Variants in AKAP6 observed in about 807,000 individuals in gnomAD.
The protein encoded by AKAP6 is A-kinase anchor protein 6.
A neutral mutation model predicts 188.5 loss-of-function variants in AKAP6; 58 were observed. The ratio of observed to expected loss-of-function variants is 0.31; its 90% CI spans 0.25 to 0.38. AKAP6 has a LOEUF of 0.38. AKAP6 is among the 10% of genes least tolerant of loss of function. The pLI is 1.00. For missense variants in AKAP6, 2,710 were observed against 2,740.0 expected (o/e 0.99, Z 0.24); for synonymous variants, 989 against 998.6 (o/e 0.99, Z 0.18).
At chr14:32,425,254 G>A (rs967272075) in intron 1 of AKAP6, among the ~76,000 whole-genome samples, 1 of 152,078 alleles carries the variant, frequency 6.6e-6, no homozygotes, top group African/African-American at 2.4e-5. Flanking sequence ...GTGATGTTGA[G>A]CTTTTTTTCA....
At chr14:32,697,603 A>G (rs1890457019) in intron 9 of AKAP6, among the ~76,000 whole-genome samples, 1 of 152,206 alleles carries the variant, frequency 6.6e-6, no homozygotes, top group Non-Finnish European at 1.5e-5. Flanking sequence ...GAAAAATATA[A>G]AAGGTTACCT....
intron 7 of AKAP6, among the ~76,000 whole-genome samples, chr14:32,622,615 A>T (rs1027757764): frequency 2.6e-5 from 4 of 152,154 alleles, no homozygotes; most frequent in Admixed American, 6.6e-5. Context: ...ATTAGATGAA[A>T]TATATGAAAT....
intron 11 of AKAP6, among the ~76,000 whole-genome samples, chr14:32,768,841 AAG>A (rs1485980228): frequency 6.6e-6 from 1 of 152,002 alleles, no homozygotes; most frequent in East Asian, 1.9e-4. Context: ...CCTGATTCAG[AAG>A]ACGTATAGTA....
At chr14:32,549,925 T>TC (rs1170547311) in intron 4 of AKAP6, among the ~76,000 whole-genome samples, 1 of 152,136 alleles carries the variant, frequency 6.6e-6, no homozygotes, top group Non-Finnish European at 1.5e-5. Flanking sequence ...AGGGCAGAGG[T>TC]GTTGGCCTGT....
rs142286804 is a variant in AKAP6 at position 32,647,186 on chromosome 14, G to T, written c.2731-31125G>T. Among the ~76,000 whole-genome samples the T allele has an allele frequency of 1.3e-3, 205 of 152,166 alleles. 1 individual carries two copies. Among genetic ancestry groups the T allele is most frequent in the African/African-American group, 4.7e-3 (194 of 41,536 alleles). On this transcript the variant is annotated intron_variant, in intron 7 of 13. Coordinates refer to ENST00000280979, the MANE Select transcript of AKAP6 (RefSeq NM_004274.5). ...ATATATTATTATAAAAATGAAATGTGACAATTTCCAAGTATATATTAGCTC... is the reference window on the plus strand; with the variant it reads ...ATATATTATTATAAAAATGAAATGTTACAATTTCCAAGTATATATTAGCTC...
At chr14:32,608,838 A>T (rs1482421893) in intron 7 of AKAP6, among the ~76,000 whole-genome samples, 3 of 152,198 alleles carry the variant, frequency 2.0e-5, no homozygotes, top group Non-Finnish European at 4.4e-5. Context: ...ATATAGAGTA[A>T]ACACATTAGA....
intron 12 of AKAP6, among the ~76,000 whole-genome samples, chr14:32,802,465 G>T (rs1313884472): frequency 1.3e-5 from 2 of 152,150 alleles, no homozygotes; most frequent in Non-Finnish European, 2.9e-5. Context: ...AGTAGTGAAA[G>T]AAATGCAAAG....
chr14:32,535,554 G>T lies in AKAP6; in HGVS notation c.325G>T (p.Asp109Tyr). 2 of 1,611,612 alleles carry T rather than the reference G, an allele frequency of 1.2e-6. No individual in the cohort carries two copies. The highest frequency in any genetic ancestry group is 1.7e-6 in the Non-Finnish European group (2 of 1,178,074). Residue 109 changes from aspartate to tyrosine, a missense_variant and splice_region_variant, in exon 3 of 14, where the codon GAC (aspartate) becomes TAC (tyrosine). Physicochemically the swap from Asp to Tyr is radical, Grantham distance 160. Coordinates refer to ENST00000280979, the MANE Select transcript of AKAP6 (RefSeq NM_004274.5). ...HVDVHLVQLK[D>Y]ICEDISDHVE... is the part of the protein sequence containing the mutation. ...CATATGTTGCTTTTCTTTACTGCAG[G>T]ACATTTGTGAAGATATTTCTGATCA...
At chr14:32,361,322 T>C (rs1887657332) in intron 1 of AKAP6, among the ~76,000 whole-genome samples, 1 of 152,014 alleles carries the variant, frequency 6.6e-6, no homozygotes, top group Non-Finnish European at 1.5e-5. Flanking sequence ...CTTATGCTTG[T>C]ATGTATGTTT....
chr14:32,773,709 G>C lies in AKAP6; in HGVS notation c.3404G>C (p.Arg1135Pro), dbSNP rs373292094. 1.2e-6 allele frequency: 2 copies of C among 1,614,050 alleles called. No individual in the cohort carries two copies. Among genetic ancestry groups the C allele is most frequent in the Non-Finnish European group, 1.7e-6 (2 of 1,179,970 alleles). The stretch of plus-strand genomic sequence containing the variant: ...TGTCGTGAAATCAAGCAACGACGTC[G>C]AGGAGTTGCCTCCATTCTGCGACTA... ...SLCREIKQRR[R>P]GVASILRLCQ... Residue 1135 changes from arginine to proline, a missense_variant, in exon 12 of 14, where the codon CGA becomes CCA. Arg to Pro is a moderately radical substitution (Grantham distance 103). Transcript: ENST00000280979.
chr14:32,453,286 CAT>C (rs1252139536), intron 2 of AKAP6, among the ~76,000 whole-genome samples: 4 of 152,198 alleles, frequency 2.6e-5, no homozygotes, highest in Non-Finnish European at 5.9e-5. Flanking sequence ...AAACTGCTGA[CAT>C]GTGGCAGAAT....
rs778102324 is a variant in AKAP6 at position 32,535,765 on chromosome 14, A to C, written c.536A>C (p.Gln179Pro). Residue 179 changes from glutamine to proline, a missense_variant, in exon 3 of 14, where the codon CAG (glutamine) becomes CCG (proline). Transcript: ENST00000280979. ...GACGCCAATGGCAACTACACTAGGC[A>C]GACGGACATTCTGCAAGCTTTCTCT... ...LQDANGNYTR[Q>P]TDILQAFSEE... 3 of 1,613,504 alleles carry C rather than the reference A, an allele frequency of 1.9e-6. No individual in the cohort carries two copies. Among genetic ancestry groups the C allele is most frequent in the Admixed American group, 1.7e-5 (1 of 59,990 alleles).
chr14:32,519,068 C>T (rs1458879729), intron 2 of AKAP6, among the ~76,000 whole-genome samples: 2 of 152,172 alleles, frequency 1.3e-5, no homozygotes, highest in Non-Finnish European at 2.9e-5. Flanking sequence ...GAATTTTCAA[C>T]CCAGAATTTC....
intron 2 of AKAP6, among the ~76,000 whole-genome samples, chr14:32,508,058 A>G (rs977788083): frequency 6.6e-6 from 1 of 152,156 alleles, no homozygotes; most frequent in Non-Finnish European, 1.5e-5. Context: ...TGTGATGTGA[A>G]ATGATGCTTT....
chr14:32,676,858 G>A (rs1332853733), intron 7 of AKAP6, among the ~76,000 whole-genome samples: 1 of 151,996 alleles, frequency 6.6e-6, no homozygotes. Flanking sequence ...AATTGAGAAA[G>A]CGTCTCACTT....
chr14:32,359,925 T>A (rs1221414667), intron 1 of AKAP6, among the ~76,000 whole-genome samples: 1 of 152,182 alleles, frequency 6.6e-6, no homozygotes, highest in Non-Finnish European at 1.5e-5. Flanking sequence ...TATTTGTCAT[T>A]AAAATTCATA....
chr14:32,624,233 G>A (rs552745279), intron 7 of AKAP6, among the ~76,000 whole-genome samples: 2 of 152,244 alleles, frequency 1.3e-5, no homozygotes, highest in South Asian at 2.1e-4. Flanking sequence ...TTAGGTGGTC[G>A]TAAATGACAA....
chr14:32,424,545 T>C (rs963018814), intron 1 of AKAP6, among the ~76,000 whole-genome samples: 1 of 152,176 alleles, frequency 6.6e-6, no homozygotes. Flanking sequence ...TGCAGGTCTG[T>C]TATATAGGAA....
intron 12 of AKAP6, among the ~76,000 whole-genome samples, chr14:32,784,882 G>T (rs994761031): frequency 2.6e-5 from 4 of 151,964 alleles, no homozygotes; most frequent in Non-Finnish European, 5.9e-5. Context: ...AGACTACTTT[G>T]GTTGTTTAGT....
Sources: allele counts gnomAD v4.1 joint callset (sites outside exome capture counted in the v4.1 genomes callset), GRCh38; gene constraint gnomAD v4.1.1; transcripts MANE v1.5; gene names NCBI Gene and HGNC (gene_info 2026-07-23, HGNC 2026-07-21).